ARMC3: variants seen among roughly 807,000 people sequenced by gnomAD.
ARMC3 encodes the protein armadillo repeat containing 3.
In ARMC3, 74 loss-of-function variants were observed where a neutral mutation model predicts 90.3. That is an observed-to-expected ratio of 0.82 (90% CI 0.68 to 0.99). The LOEUF (loss-of-function observed/expected upper bound fraction) is 0.99, where lower values mean the gene tolerates loss of function less well. ARMC3 is among the 50% of genes least tolerant of loss of function. The pLI is 0.00. For missense variants in ARMC3, 958 were observed against 1,042.8 expected (o/e 0.92, Z 1.12); for synonymous variants, 334 against 361.8 (o/e 0.92, Z 0.87).
At chr10:22,953,765 A>C (rs771034523) in intron 3 of ARMC3, among the ~76,000 whole-genome samples, 1 of 152,230 alleles carries the variant, frequency 6.6e-6, no homozygotes, top group Non-Finnish European at 1.5e-5. Context: ...AAGGGATAGA[A>C]CTATCTCTAT....
At chr10:23,030,572 GA>G (rs1365904832) in intron 16 of ARMC3, 23 bp from the exon 17 acceptor site, 4 of 1,594,554 alleles carry the variant, frequency 2.5e-6, no homozygotes, top group South Asian at 1.1e-5. Flanking sequence ...ATGTGATTTT[GA>G]TTGCCCTTGT....
chr10:23,012,483 T>C (rs1239238500), intron 16 of ARMC3, among the ~76,000 whole-genome samples: 1 of 152,148 alleles, frequency 6.6e-6, no homozygotes, highest in African/African-American at 2.4e-5. Flanking sequence ...GTGTGTCCAG[T>C]TGCCTGGTGG....
chr10:22,974,447 C>T (rs1038997405), intron 8 of ARMC3, among the ~76,000 whole-genome samples: 1 of 152,030 alleles, frequency 6.6e-6, no homozygotes, highest in Non-Finnish European at 1.5e-5. Flanking sequence ...TTTATGCTTT[C>T]TGTTTATTTT....
chr10:22,936,946 C>T (rs1322726275), intron 2 of ARMC3, among the ~76,000 whole-genome samples: 4 of 152,090 alleles, frequency 2.6e-5, no homozygotes, highest in African/African-American at 7.2e-5. Context: ...CTCTGTCTCC[C>T]AGGCTGGAGT....
intron 13 of ARMC3, 194 bp from the exon 14 acceptor site, chr10:23,006,689 GT>G (rs1837629681): frequency 1.8e-6 from 1 of 544,780 alleles, no homozygotes; most frequent in Admixed American, 3.0e-5. Context: ...AACTGGATCT[GT>G]CCTGCCCAAA....
At chr10:22,959,367 G>T (rs781499215) in intron 5 of ARMC3, 32 bp from the exon 6 acceptor site, 1 of 1,564,920 alleles carries the variant, frequency 6.4e-7, no homozygotes, top group East Asian at 2.2e-5. Flanking sequence ...TAAGCAGTTG[G>T]CATACTTGTG....
intron 16 of ARMC3, among the ~76,000 whole-genome samples, chr10:23,019,741 C>T (rs12773873): frequency 2.0e-5 from 3 of 151,998 alleles, no homozygotes; most frequent in South Asian, 2.1e-4. Flanking sequence ...TGTAAGGTTT[C>T]GCCATGTTGC....
chr10:23,011,150 G>T lies in ARMC3; in HGVS notation c.2045+2219G>T, dbSNP rs1245505743. Reference sequence around the variant, plus strand: ...TAAAAGCTCCTCAAGAACAAGGAATGTTCTAATTTGAATAGTTTATTTTCA... The same window carrying T: ...TAAAAGCTCCTCAAGAACAAGGAATTTTCTAATTTGAATAGTTTATTTTCA... On this transcript the variant is annotated intron_variant, in intron 16 of 18. Transcript: ENST00000298032. Among the ~76,000 whole-genome samples the T allele has an allele frequency of 1.2e-4, 18 of 152,056 alleles. 1 individual carries two copies. Among genetic ancestry groups the T allele is most frequent in the Admixed American group, 9.8e-4 (15 of 15,274 alleles).
At chr10:22,977,403 TG>T (rs762201244) in intron 8 of ARMC3, among the ~76,000 whole-genome samples, 1 of 152,098 alleles carries the variant, frequency 6.6e-6, no homozygotes, top group African/African-American at 2.4e-5. Context: ...CGGCCCTCAT[TG>T]GAATACCAAG....
intron 3 of ARMC3, among the ~76,000 whole-genome samples, chr10:22,953,225 G>A (rs1288159388): frequency 6.6e-6 from 1 of 152,124 alleles, no homozygotes; most frequent in Non-Finnish European, 1.5e-5. Flanking sequence ...GAAAAGAAAA[G>A]GAAATGGATT....
chr10:23,034,992 G>A (rs112507543), intron 18 of ARMC3, among the ~76,000 whole-genome samples: 3,172 of 152,212 alleles, frequency 0.021, 117 homozygotes, highest in African/African-American at 0.074. Flanking sequence ...TTGTCAAGTT[G>A]AGCTGCTATA....
chr10:23,033,610 A>G (rs1441663712), intron 18 of ARMC3, among the ~76,000 whole-genome samples: 1 of 152,232 alleles, frequency 6.6e-6, no homozygotes. Flanking sequence ...ATCATAACGC[A>G]TCATGTAAGT....
intron 15 of ARMC3, 57 bp from the exon 16 acceptor site, chr10:23,008,758 T>C (rs980015692): frequency 7.4e-7 from 1 of 1,359,284 alleles, no homozygotes; most frequent in Non-Finnish European, 1.0e-6. Context: ...GCAAATGTAA[T>C]GTATTGTTGT....
Sources: gnomAD v4.1 joint callset for allele counts (sites outside exome capture counted in the v4.1 genomes callset) on GRCh38, gnomAD v4.1.1 for gene constraint, MANE v1.5 for transcripts, NCBI Gene and HGNC (gene_info 2026-07-23, HGNC 2026-07-21) for gene names.